The following KRTAP4-6 variants were observed in gnomAD, a reference collection of about 807,000 sequenced individuals.
KRTAP4-6 encodes keratin-associated protein 4-6.
In KRTAP4-6, 1 loss-of-function variant was observed where a neutral mutation model predicts 3.6. That is an observed-to-expected ratio of 0.28 (90% confidence interval 0.10 to 1.32). KRTAP4-6 has a LOEUF of 1.32. Among genes scored for constraint, KRTAP4-6 ranks in the 40% most tolerant of loss-of-function variants. KRTAP4-6 has a pLI of 0.45. For synonymous variants in KRTAP4-6, 97 were observed against 96.7 expected, an observed-to-expected ratio of 1.00 and a Z score of -0.02; for missense variants, 275 against 280.3, an observed-to-expected ratio of 0.98 and a Z score of 0.14.
At chr17:41,140,483 A>T (rs1307559592) in exon 1 of KRTAP4-6, 2 of 1,610,898 alleles carry the variant, frequency 1.2e-6, no homozygotes, top group Non-Finnish European at 1.7e-6. Flanking sequence ...ACAGGAGCTG[A>T]CCATGGTGTC....
exon 1 of KRTAP4-6, chr17:41,140,141 C>A (rs772636827): frequency 6.9e-7 from 1 of 1,449,284 alleles, no homozygotes; most frequent in Non-Finnish European, 9.3e-7. Context: ...GCAGCTGGGG[C>A]GACAGCAGCT....
chr17:41,139,943 G>A lies in KRTAP4-6; in HGVS notation c.545C>T (p.Thr182Ile), dbSNP rs763655865. The A allele has an allele frequency of 3.7e-6, 6 of 1,607,060 alleles. No homozygotes were observed. In the African/African-American group the frequency reaches 8.0e-5, roughly 21 times the overall value. The change falls in exon 1 of 1, where the codon ACC (threonine) becomes ATC (isoleucine). Residue 182 changes from threonine to isoleucine, a missense_variant. Thr to Ile is a moderately conservative substitution (Grantham distance 89, BLOSUM62 -1). Coordinates refer to ENST00000345847, the Ensembl canonical transcript of KRTAP4-6. ...GACACAGGTTGGGCGATAGCAAGTG[G>A]TGTGGCAGGAGACTCGGCCACAGAC...
chr17:41,140,333 T>C, exon 1 of KRTAP4-6: 5 of 1,608,194 alleles, frequency 3.1e-6, no homozygotes, highest in Non-Finnish European at 4.2e-6. Flanking sequence ...GCACACAGAC[T>C]GGCAGCACTG....
chr17:41,139,968 C>T (rs756146106), exon 1 of KRTAP4-6: 1 of 1,609,976 alleles, frequency 6.2e-7, no homozygotes, highest in African/African-American at 1.3e-5. Context: ...CGGCCACAGA[C>T]TGGACGCAGG....
chr17:41,140,128 A>G (rs1297739724), exon 1 of KRTAP4-6: 2 of 1,450,508 alleles, frequency 1.4e-6, no homozygotes, highest in East Asian at 5.2e-5. Context: ...ACCTGGACAC[A>G]CAGCAGCTGG....
At chr17:41,139,771 TTGG>T in exon 1 of KRTAP4-6, 1 of 1,468,242 alleles carries the variant, frequency 6.8e-7, no homozygotes. Flanking sequence ...GGAAACACAG[TTGG>T]TGGGAATGGC....
chr17:41,140,344 G>T (rs1382338031), exon 1 of KRTAP4-6: 1 of 1,613,294 alleles, frequency 6.2e-7, no homozygotes, highest in East Asian at 2.2e-5. Context: ...GGCAGCACTG[G>T]GGTCTGCAGC....
At chr17:41,140,441 C>A in exon 1 of KRTAP4-6, 1 of 1,614,042 alleles carries the variant, frequency 6.2e-7, no homozygotes. Context: ...GGTCTCCAGG[C>A]CACAGCCCTG....
rs769644366 is a variant in KRTAP4-6, at chr17:41,140,147, C to T, written c.341G>A (p.Cys114Tyr). 3.2e-5 allele frequency: 47 copies of T among 1,465,046 alleles called. No homozygotes were observed. The highest frequency in any genetic ancestry group is 4.3e-5 in the Non-Finnish European group (47 of 1,080,946). The allele number at this position is 1,465,046 out of a possible 1,614,324, so 90.8% of individuals were successfully genotyped here. The change falls in exon 1 of 1, where the codon TGC (cysteine) becomes TAC (tyrosine). Residue 114 changes from cysteine (C) to tyrosine (Y), a missense_variant. Cys to Tyr is a radical substitution (Grantham distance 194). Coordinates refer to ENST00000345847, the Ensembl canonical transcript of KRTAP4-6. ...GGACACACAGCAGCTGGGGCGACAG[C>T]AGCTGGAGATGCTGCAGCTGGGACG...
chr17:41,140,087 C>A, exon 1 of KRTAP4-6: 1 of 1,460,544 alleles, frequency 6.8e-7, no homozygotes, highest in Non-Finnish European at 9.3e-7. Context: ...TGGCTGGCAG[C>A]ACACAGACTG....
chr17:41,139,563 G>A (rs936687042), exon 1 of KRTAP4-6: 5 of 449,508 alleles, frequency 1.1e-5, no homozygotes, highest in Non-Finnish European at 1.6e-5. Flanking sequence ...ACCTTGCCCC[G>A]AGTTACCCTG....
exon 1 of KRTAP4-6, chr17:41,139,865 G>C (rs764739752): frequency 6.4e-7 from 1 of 1,571,676 alleles, no homozygotes; most frequent in African/African-American, 1.4e-5. Context: ...TTTCAGGCAA[G>C]GAGCTCAGCA....
At chr17:41,139,532 T>G in exon 1 of KRTAP4-6, 1 of 375,364 alleles carries the variant, frequency 2.7e-6, no homozygotes, top group South Asian at 5.4e-5. Context: ...CAATCAGACT[T>G]TCAAATCTGA....
At chr17:41,140,523 A>G (rs145629168), upstream of KRTAP4-6, 841 of 1,579,454 alleles carry the variant, frequency 5.3e-4, 7 homozygotes, top group African/African-American at 0.01. Flanking sequence ...TGGGTTTCCA[A>G]GAGAGTGAGT....
At chr17:41,140,355 A>T (rs2014680241) in exon 1 of KRTAP4-6, 2 of 1,613,414 alleles carry the variant, frequency 1.2e-6, no homozygotes, top group South Asian at 1.1e-5. Context: ...GGTCTGCAGC[A>T]GCTGGACACA....
chr17:41,139,781 T>C, exon 1 of KRTAP4-6: 9 of 1,491,384 alleles, frequency 6.0e-6, no homozygotes, highest in Non-Finnish European at 8.1e-6. Context: ...TTGGTGGGAA[T>C]GGCCTCTTCT....
exon 1 of KRTAP4-6, chr17:41,139,695 A>C (rs887348949): frequency 9.0e-6 from 9 of 994,690 alleles, no homozygotes; most frequent in Non-Finnish European, 1.3e-5. Context: ...CACTTGGGTC[A>C]ACATGGGGAA....
chr17:41,139,546 T>G, exon 1 of KRTAP4-6: 3 of 394,940 alleles, frequency 7.6e-6, no homozygotes, highest in Non-Finnish European at 9.0e-6. Context: ...AATCTGAGAG[T>G]GAGACAACCT....
rs2014680534 is a variant in KRTAP4-6 at position 41,140,363 on chromosome 17, A to G, written c.125T>C (p.Val42Ala). Residue 42 changes from valine to alanine, a missense_variant, in exon 1 of 1, where the codon GTG becomes GCG. By Grantham distance (64) the Val-to-Ala change is moderately conservative. Coordinates refer to ENST00000345847, the Ensembl canonical transcript of KRTAP4-6. ...GCACTGGGGTCTGCAGCAGCTGGAC[A>G]CACAGCAGCTGGGGCGGCAGCAGGT... The G allele has an allele frequency of 7.4e-6, 12 of 1,613,182 alleles. No individual in the cohort carries two copies. The highest frequency in any genetic ancestry group is 1.3e-5 in the African/African-American group (1 of 74,778).
Sources: allele counts gnomAD v4.1 joint callset, GRCh38; gene constraint gnomAD v4.1.1; transcripts MANE v1.5; gene names NCBI Gene and HGNC (gene_info 2026-07-23, HGNC 2026-07-21).